CNR1: variants seen among roughly 807,000 people sequenced by gnomAD.
CNR1 encodes the protein cannabinoid receptor 1 (brain).
Under a neutral mutation model 23.0 loss-of-function variants are expected in CNR1, and 10 were observed. The ratio of observed to expected loss-of-function variants is 0.43; its 90% CI spans 0.27 to 0.74. CNR1 has a LOEUF of 0.74. Ranked by LOEUF, CNR1 falls within the 30% of genes least tolerant of loss-of-function variation. CNR1 has a pLI of 0.19. For synonymous variants in CNR1, 271 were observed against 255.2 expected (o/e 1.06, Z -0.59); for missense variants, 422 against 618.8 (o/e 0.68, Z 3.37).
At position 88,165,957 on chromosome 6, in the gene CNR1, C is replaced by G. The variant is rs1778350362; in HGVS notation, c.-218G>C. 6.5e-6 allele frequency: 1 copy of G among 152,870 alleles called. No homozygotes were observed. The highest frequency in any genetic ancestry group is 1.5e-5 in the Non-Finnish European group (1 of 68,550). The allele number at this position is 152,870 out of a possible 1,614,324, so 9.5% of individuals were successfully genotyped here. ...CGCCCGGGCCAAGGGAAGGCGCTGGCGCCGCGGGAGACAAGAAGAGGCGGA... is the reference window on the plus strand; with the variant it reads ...CGCCCGGGCCAAGGGAAGGCGCTGGGGCCGCGGGAGACAAGAAGAGGCGGA... On this transcript the variant is annotated 5_prime_UTR_variant, in exon 1 of 2. Coordinates refer to ENST00000369501, the MANE Select transcript of CNR1 (RefSeq NM_016083.6).
intron 1 of CNR1, among the ~76,000 whole-genome samples, chr6:88,151,228 C>T (rs1329400640): frequency 2.0e-5 from 3 of 152,242 alleles, no homozygotes; most frequent in Non-Finnish European, 4.4e-5. Context: ...ATGAGAGCCA[C>T]ATTTCAAGTC....
chr6:88,139,936 T>TGTTTTCTCTTTGAATAA lies in CNR1; in HGVS notation c.*3903_*3919dup. ...ACTTTGGACAATAGACATGATGAGA[T>TGTTTTCTCTTTGAATAA]GTTTTCTCTTTGAATAAGTTAACAG... is the stretch of plus-strand genomic sequence containing the variant. On this transcript the variant is annotated 3_prime_UTR_variant, in exon 2 of 2. Transcript: ENST00000369501. The TGTTTTCTCTTTGAATAA allele has an allele frequency of 1.3e-5, 2 of 152,486 alleles. No individual in the cohort carries two copies. Among genetic ancestry groups the TGTTTTCTCTTTGAATAA allele is most frequent in the South Asian group, 4.1e-4 (2 of 4,834 alleles). 9.4% of individuals were successfully genotyped at this position (152,486 alleles called of 1,614,324 possible). A position where few individuals can be genotyped will look rare whatever the true frequency, so the allele number is the denominator to read the frequency against.
At chr6:88,159,741 C>G (rs928452752) in intron 1 of CNR1, among the ~76,000 whole-genome samples, 6 of 152,166 alleles carry the variant, frequency 3.9e-5, no homozygotes, top group Non-Finnish European at 8.8e-5. Flanking sequence ...TTTTCACATG[C>G]ATACTGCCTG....
At chr6:88,159,307 C>T (rs73481160) in intron 1 of CNR1, among the ~76,000 whole-genome samples, 143 of 152,256 alleles carry the variant, frequency 9.4e-4, no homozygotes, top group African/African-American at 3.3e-3. Flanking sequence ...AAAGAACGAA[C>T]TAAAATGAAA....
At chr6:88,149,033 T>C (rs1777371463) in intron 1 of CNR1, among the ~76,000 whole-genome samples, 2 of 152,294 alleles carry the variant, frequency 1.3e-5, no homozygotes, top group South Asian at 4.1e-4. Flanking sequence ...ATAAAGCAGA[T>C]GGGAGCCATC....
chr6:88,145,895 C>T (rs369345207), intron 1 of CNR1, among the ~76,000 whole-genome samples: 38 of 152,190 alleles, frequency 2.5e-4, no homozygotes, highest in African/African-American at 6.7e-4. Context: ...TTACTTGTAG[C>T]GGGGGAGGAG....
At chr6:88,152,231 AAAAAAG>A (rs1451773043) in intron 1 of CNR1, among the ~76,000 whole-genome samples, 1 of 151,882 alleles carries the variant, frequency 6.6e-6, no homozygotes, top group Admixed American at 6.6e-5. Flanking sequence ...AAAAAAAAAA[AAAAAAG>A]AAATGTAAAT....
intron 1 of CNR1, among the ~76,000 whole-genome samples, chr6:88,160,940 AT>A (rs1390336803): frequency 6.6e-6 from 1 of 152,212 alleles, no homozygotes; most frequent in African/African-American, 2.4e-5. Flanking sequence ...TAATTTCCTA[AT>A]TAATTAAGAA....
chr6:88,144,613 G>A lies in CNR1; in HGVS notation c.662C>T (p.Pro221Leu). Reference protein sequence around the residue: ...AIDRYISIHRPLAYKRIVTRP... With the variant: ...AIDRYISIHRLLAYKRIVTRP... Reference sequence around the variant, plus strand: ...GGTGACAATCCTCTTATAGGCCAGGGGCCTGTGAATGGATATGTACCTGTC... The same window carrying A: ...GGTGACAATCCTCTTATAGGCCAGGAGCCTGTGAATGGATATGTACCTGTC... The change falls in exon 2 of 2, where the codon CCC becomes CTC. Residue 221 changes from proline (P) to leucine (L), a missense_variant. Physicochemically the swap from Pro to Leu is moderately conservative, Grantham distance 98. This residue lies in a region of CNR1 where 211 missense variants were observed against 357.3 expected (regional missense o/e 0.59). Coordinates refer to ENST00000369501, the MANE Select transcript of CNR1 (RefSeq NM_016083.6). This position sits in a 1 kb window ranked among gnomAD's most constrained non-coding sequence, Gnocchi z 7.8. The A allele has an allele frequency of 6.2e-7, 1 of 1,614,212 alleles. No individual in the cohort carries two copies. Among genetic ancestry groups the A allele is most frequent in the Non-Finnish European group, 8.5e-7 (1 of 1,180,042 alleles).
At chr6:88,159,105 G>A (rs1480308264) in intron 1 of CNR1, among the ~76,000 whole-genome samples, 2 of 152,268 alleles carry the variant, frequency 1.3e-5, no homozygotes, top group Admixed American at 6.5e-5. Context: ...CAAAGGCTAT[G>A]CAAAGCTTTA....
In CNR1 at chr6:88,166,278, C is replaced by CCAGCCCGGGCGCCCGTCGCCT. The variant is rs1309690104; in HGVS notation, c.-560_-540dup. The CCAGCCCGGGCGCCCGTCGCCT allele has an allele frequency of 5.2e-5, 8 of 152,450 alleles. No individual in the cohort carries two copies. The highest frequency in any genetic ancestry group is 1.9e-4 in the African/African-American group (8 of 41,442). The allele number at this position is 152,450 out of a possible 1,614,324, so 9.4% of individuals were successfully genotyped here. On this transcript the variant is annotated 5_prime_UTR_variant, in exon 1 of 2. Coordinates refer to ENST00000369501, the MANE Select transcript of CNR1 (RefSeq NM_016083.6). ...CCCGGCGTGGGGCCGCCCGTCTCCG[C>CCAGCCCGGGCGCCCGTCGCCT]CAGCCCGGGCGCCCGTCGCCTCGTC... is the stretch of plus-strand genomic sequence containing the variant.
At position 88,141,935 on chromosome 6, in the gene CNR1, G is replaced by C. The variant is rs1402798575; in HGVS notation, c.*1921C>G. On this transcript the variant is annotated 3_prime_UTR_variant, in exon 2 of 2. Coordinates refer to ENST00000369501, the MANE Select transcript of CNR1 (RefSeq NM_016083.6). Reference sequence around the variant, plus strand: ...GCCTTGTAGGAGTCATGTTTTATCTGTATAAGAAGAGATTATAATTAAAAT... The same window carrying C: ...GCCTTGTAGGAGTCATGTTTTATCTCTATAAGAAGAGATTATAATTAAAAT... 6.6e-6 allele frequency: 1 copy of C among 152,298 alleles called. No homozygotes were observed. Among genetic ancestry groups the C allele is most frequent in the Non-Finnish European group, 1.5e-5 (1 of 68,034 alleles). 9.4% of individuals were successfully genotyped at this position (152,298 alleles called of 1,614,324 possible).
rs1487515674 is a variant in CNR1 at position 88,141,778 on chromosome 6, C to G, written c.*2078G>C. 2 of 152,278 alleles carry G rather than the reference C, an allele frequency of 1.3e-5. No homozygotes were observed. The highest frequency in any genetic ancestry group is 2.9e-5 in the Non-Finnish European group (2 of 68,042). 9.4% of individuals were successfully genotyped at this position (152,278 alleles called of 1,614,324 possible). ...CAGACAATGCAAAGTATCTCATAAG[C>G]CACATCCTGCCTTAGAGCGTGAACC... On this transcript the variant is annotated 3_prime_UTR_variant, in exon 2 of 2. Coordinates refer to ENST00000369501, the MANE Select transcript of CNR1 (RefSeq NM_016083.6).
Position 88,145,163 on chromosome 6 carries a change from C to A in CNR1, c.112G>T (p.Ala38Ser), listed in dbSNP as rs780977671. ...IQYEDIKGDM[A>S]SKLGYFPQKF... Reference sequence around the variant, plus strand: ...TGTGGGAAGTACCCTAATTTGGATGCCATGTCACCTTTGATGTCTTCGTAC... The same window carrying A: ...TGTGGGAAGTACCCTAATTTGGATGACATGTCACCTTTGATGTCTTCGTAC... Residue 38 changes from alanine to serine, a missense_variant, in exon 2 of 2, where the codon GCA (alanine) becomes TCA (serine). This residue lies in a region of CNR1 where 120 missense variants were observed against 117.6 expected (regional missense o/e 1.02). Transcript: ENST00000369501. The A allele has an allele frequency of 6.2e-7, 1 of 1,614,024 alleles. No homozygotes were observed. Among genetic ancestry groups the A allele is most frequent in the African/African-American group, 1.3e-5 (1 of 74,912 alleles).
At chr6:88,153,122 T>C (rs1203389205) in intron 1 of CNR1, among the ~76,000 whole-genome samples, 3 of 152,206 alleles carry the variant, frequency 2.0e-5, no homozygotes, top group Non-Finnish European at 2.9e-5. Flanking sequence ...ATCCATTATT[T>C]TTAAAAAATC....
chr6:88,149,483 C>T (rs1181881904), intron 1 of CNR1, among the ~76,000 whole-genome samples: 2 of 152,178 alleles, frequency 1.3e-5, no homozygotes, highest in Admixed American at 6.5e-5. Context: ...AGTTTTCATC[C>T]ATAATCAAAG....
At chr6:88,159,502 A>C (rs891766301) in intron 1 of CNR1, among the ~76,000 whole-genome samples, 1 of 152,204 alleles carries the variant, frequency 6.6e-6, no homozygotes, top group Non-Finnish European at 1.5e-5. Context: ...TCTCTCTCTT[A>C]ATTATTTCGT....
rs1414229372 is a variant in CNR1 at position 88,140,710 on chromosome 6, A to G, written c.*3146T>C. On this transcript the variant is annotated 3_prime_UTR_variant, in exon 2 of 2. Transcript: ENST00000369501. ...CTATAGCGCTACTCATCCAGGGCCT[A>G]ATTCTCATCTGGTGGTTGGGCCTAT... is the stretch of plus-strand genomic sequence containing the variant. The G allele has an allele frequency of 6.6e-6, 1 of 152,352 alleles. No homozygotes were observed. The highest frequency in any genetic ancestry group is 2.4e-5 in the African/African-American group (1 of 41,448). The allele number at this position is 152,352 out of a possible 1,614,324, so 9.4% of individuals were successfully genotyped here. A position where few individuals can be genotyped will look rare whatever the true frequency, so the allele number is the denominator to read the frequency against.
At chr6:88,150,421 T>C (rs1056440608) in intron 1 of CNR1, among the ~76,000 whole-genome samples, 2 of 151,996 alleles carry the variant, frequency 1.3e-5, no homozygotes, top group Admixed American at 6.6e-5. Flanking sequence ...CAAACAAATA[T>C]ATGTATTTAC....
Sources: gnomAD v4.1 joint callset for allele counts (sites outside exome capture counted in the v4.1 genomes callset) on GRCh38, gnomAD v4.1.1 for gene constraint, gnomAD v4.1.1 regional missense constraint, Gnocchi (gnomAD v3.1) non-coding constraint, MANE v1.5 for transcripts, NCBI Gene and HGNC (gene_info 2026-07-23, HGNC 2026-07-21) for gene names.